PTPRD: variants seen among roughly 807,000 people sequenced by gnomAD.
The protein encoded by PTPRD is protein tyrosine phosphatase receptor type D.
PTPRD carries 34 observed loss-of-function variants against 214.5 expected under a neutral mutation model. The ratio of observed to expected loss-of-function variants is 0.16; its 90% CI spans 0.12 to 0.21. The LOEUF (loss-of-function observed/expected upper bound fraction) is 0.21. PTPRD is among the 10% of genes least tolerant of loss of function. The probability of loss-of-function intolerance (pLI) is 1.00; values close to 1 mark genes in which losing one functional copy is unlikely to be tolerated. For missense variants in PTPRD, 2,545 were observed against 2,398.7 expected (o/e 1.06, Z -1.27); for synonymous variants, 1,128 against 845.7 (o/e 1.33, Z -5.79).
chr9:9,327,540 A>G (rs1399132702), intron 9 of PTPRD, among the ~76,000 whole-genome samples: 1 of 152,174 alleles, frequency 6.6e-6, no homozygotes, highest in Non-Finnish European at 1.5e-5. Context: ...TAGTATAAAA[A>G]GAAGCACTTT....
At chr9:9,774,717 G>C (rs918695808) in intron 5 of PTPRD, among the ~76,000 whole-genome samples, 32 of 152,144 alleles carry the variant, frequency 2.1e-4, no homozygotes, top group African/African-American at 7.7e-4. Context: ...CCTTGAGGGA[G>C]TTATTTTTTT....
chr9:10,276,845 C>T (rs966942565), intron 3 of PTPRD, among the ~76,000 whole-genome samples: 9 of 152,178 alleles, frequency 5.9e-5, no homozygotes, highest in Admixed American at 5.2e-4. Context: ...GAGTTGTTGG[C>T]CAGATCACCA....
chr9:9,170,403 T>A (rs895258129), intron 10 of PTPRD, among the ~76,000 whole-genome samples: 9 of 152,188 alleles, frequency 5.9e-5, no homozygotes, highest in African/African-American at 2.2e-4. Context: ...GTGGTTTGAT[T>A]TTAGGGAAAA....
intron 12 of PTPRD, among the ~76,000 whole-genome samples, chr9:8,645,965 A>C (rs72700305): frequency 0.1 from 15,739 of 151,932 alleles, 971 homozygotes; most frequent in Middle Eastern, 0.13. Context: ...CTACTGATTT[A>C]TCACTAATAT....
rs376225131 is a variant in PTPRD at position 10,175,443 on chromosome 9, CATAAT to C, written c.-544-141658_-544-141654del. 3.8e-3 allele frequency among the ~76,000 whole-genome samples: 582 copies of C among 151,982 alleles called. 5 individuals carry two copies. Among genetic ancestry groups the C allele is most frequent in the African/African-American group, 0.013 (535 of 41,496 alleles). ...AAAAACATAAGAAAAATGGAATATACATAATATAACATTAAATATGGTTACCTTAA... is the reference window on the plus strand; with the variant it reads ...AAAAACATAAGAAAAATGGAATATACATAACATTAAATATGGTTACCTTAA... On this transcript the variant is annotated intron_variant, in intron 3 of 45. Coordinates refer to ENST00000381196, the MANE Select transcript of PTPRD (RefSeq NM_002839.4).
At chr9:9,788,105 G>A (rs1285837564) in intron 5 of PTPRD, among the ~76,000 whole-genome samples, 1 of 151,478 alleles carries the variant, frequency 6.6e-6, no homozygotes, top group East Asian at 2.0e-4. Context: ...TTTACAATCA[G>A]TAGACACTTG....
chr9:9,752,438 T>C (rs1395497916), intron 6 of PTPRD, among the ~76,000 whole-genome samples: 1 of 152,054 alleles, frequency 6.6e-6, no homozygotes, highest in African/African-American at 2.4e-5. Context: ...TCAAGGTTTA[T>C]TATAACAGTT....
intron 10 of PTPRD, among the ~76,000 whole-genome samples, chr9:9,166,408 T>G (rs369959532): frequency 6.6e-6 from 1 of 152,166 alleles, no homozygotes; most frequent in Non-Finnish European, 1.5e-5. Flanking sequence ...TCTAGGCTCC[T>G]AGCATTTGGC....
At chr9:8,407,537 T>C (rs2093116520) in intron 35 of PTPRD, among the ~76,000 whole-genome samples, 1 of 152,152 alleles carries the variant, frequency 6.6e-6, no homozygotes. Flanking sequence ...TACTTAACTA[T>C]CCAGAATGCC....
chr9:9,320,194 T>G (rs1442466021), intron 9 of PTPRD, among the ~76,000 whole-genome samples: 6 of 152,176 alleles, frequency 3.9e-5, no homozygotes, highest in Admixed American at 6.6e-5. Flanking sequence ...CACCATATTT[T>G]ATTTCTTCCT....
intron 3 of PTPRD, among the ~76,000 whole-genome samples, chr9:10,253,501 A>G (rs1016273924): frequency 2.6e-5 from 4 of 152,234 alleles, no homozygotes; most frequent in African/African-American, 7.2e-5. Flanking sequence ...CAACTCTTTT[A>G]ACGCATAAAA....
intron 11 of PTPRD, among the ~76,000 whole-genome samples, chr9:8,977,807 A>T (rs1394383445): frequency 6.6e-6 from 1 of 152,032 alleles, no homozygotes; most frequent in Non-Finnish European, 1.5e-5. Flanking sequence ...TAACTTATCA[A>T]AGAAATGAGG....
At chr9:9,302,315 C>T (rs1333387025) in intron 9 of PTPRD, among the ~76,000 whole-genome samples, 1 of 151,834 alleles carries the variant, frequency 6.6e-6, no homozygotes, top group African/African-American at 2.4e-5. Context: ...AGAAATATGT[C>T]TCTTCTATTG....
chr9:10,145,170 T>C (rs1284819619), intron 3 of PTPRD, among the ~76,000 whole-genome samples: 1 of 152,112 alleles, frequency 6.6e-6, no homozygotes, highest in Non-Finnish European at 1.5e-5. Context: ...ATTGTAAAAA[T>C]TGAGATTTCT....
chr9:9,970,256 C>T (rs2154043294), intron 4 of PTPRD, among the ~76,000 whole-genome samples: 1 of 151,854 alleles, frequency 6.6e-6, no homozygotes, highest in African/African-American at 2.4e-5. Context: ...CGAGACCATC[C>T]TGGCTAACAC....
chr9:8,331,781 G>A (rs977169437), intron 43 of PTPRD, 45 bp from the exon 44 acceptor site: 2 of 1,527,026 alleles, frequency 1.3e-6, no homozygotes, highest in Non-Finnish European at 8.8e-7. Flanking sequence ...GAAGACGCCA[G>A]GAGGATTCAG....
At chr9:10,559,291 A>C (rs983798997) in intron 2 of PTPRD, among the ~76,000 whole-genome samples, 18 of 152,150 alleles carry the variant, frequency 1.2e-4, no homozygotes, top group Non-Finnish European at 1.6e-4. Context: ...ATGCACATCC[A>C]AATGTATACA....
intron 7 of PTPRD, among the ~76,000 whole-genome samples, chr9:9,600,301 A>G (rs1400946482): frequency 2.0e-5 from 3 of 152,134 alleles, no homozygotes; most frequent in Admixed American, 2.0e-4. Context: ...TAAAAAATGT[A>G]CACACCAGTA....
intron 12 of PTPRD, among the ~76,000 whole-genome samples, chr9:8,705,787 A>G (rs1473143456): frequency 6.6e-6 from 1 of 152,258 alleles, no homozygotes; most frequent in Non-Finnish European, 1.5e-5. Context: ...AACAGTAGTA[A>G]TAATAATCTA....
Sources: gnomAD v4.1 joint callset for allele counts (sites outside exome capture counted in the v4.1 genomes callset) on GRCh38, gnomAD v4.1.1 for gene constraint, MANE v1.5 for transcripts, NCBI Gene and HGNC (gene_info 2026-07-23, HGNC 2026-07-21) for gene names.